Variants in FBXO4 observed in about 807,000 individuals in gnomAD.
FBXO4 encodes F-box only protein 4.
In FBXO4, 36 loss-of-function variants were observed where a neutral mutation model predicts 43.7. The observed-to-expected ratio is 0.82, with a 90% CI of 0.63 to 1.09. The LOEUF is 1.09. Among genes scored for constraint, FBXO4 ranks in the 50% least tolerant of loss-of-function variants. The pLI is 0.00. For synonymous variants in FBXO4, 180 were observed against 165.6 expected (o/e 1.09, Z -0.67); for missense variants, 435 against 474.1 (o/e 0.92, Z 0.77).
the FBXO4 span, among the ~76,000 whole-genome samples, chr5:41,974,572 C>A: frequency 6.6e-6 from 1 of 152,094 alleles, no homozygotes; most frequent in Non-Finnish European, 1.5e-5. Flanking sequence ...TGCTTTGTCA[C>A]TGTTATTGTG....
At chr5:41,997,012 G>C in the FBXO4 span, among the ~76,000 whole-genome samples, 1 of 152,250 alleles carries the variant, frequency 6.6e-6, no homozygotes, top group Non-Finnish European at 1.5e-5. Context: ...CTCTGAATAA[G>C]ATTATGACAC....
the FBXO4 span, among the ~76,000 whole-genome samples, chr5:41,986,947 C>A: frequency 6.6e-6 from 1 of 152,000 alleles, no homozygotes; most frequent in Non-Finnish European, 1.5e-5. Context: ...TTACAGTCAT[C>A]CTGCTGTTTA....
chr5:41,988,185 G>T, the FBXO4 span, among the ~76,000 whole-genome samples: 1 of 152,080 alleles, frequency 6.6e-6, no homozygotes, highest in African/African-American at 2.4e-5. Flanking sequence ...CAGTATCTCT[G>T]GATTGTGAAC....
chr5:42,032,729 T>G, the FBXO4 span, among the ~76,000 whole-genome samples: 1 of 152,148 alleles, frequency 6.6e-6, no homozygotes, highest in African/African-American at 2.4e-5. Context: ...TACCCCCCCG[T>G]GGCTGTGCTA....
At chr5:41,973,742 C>G in the FBXO4 span, among the ~76,000 whole-genome samples, 2 of 152,172 alleles carry the variant, frequency 1.3e-5, no homozygotes, top group Admixed American at 1.3e-4. Context: ...TTACTTTTTA[C>G]ACATTCAATC....
the FBXO4 span, among the ~76,000 whole-genome samples, chr5:41,981,232 A>G: frequency 6.6e-6 from 1 of 152,102 alleles, no homozygotes; most frequent in East Asian, 1.9e-4. Context: ...GGTATGATTT[A>G]ATTTGGTGGC....
chr5:42,004,430 A>T, the FBXO4 span, among the ~76,000 whole-genome samples: 1 of 152,204 alleles, frequency 6.6e-6, no homozygotes, highest in African/African-American at 2.4e-5. Flanking sequence ...GAGAGGTAAA[A>T]AAAGTCTATT....
At chr5:42,019,591 G>A in the FBXO4 span, among the ~76,000 whole-genome samples, 1 of 151,720 alleles carries the variant, frequency 6.6e-6, no homozygotes, top group East Asian at 1.9e-4. Context: ...AGGAAGTTGA[G>A]ACAGCAGAAT....
intron 3 of FBXO4, among the ~76,000 whole-genome samples, chr5:41,933,724 T>C (rs115686853): frequency 0.012 from 1,819 of 152,330 alleles, 13 homozygotes; most frequent in Non-Finnish European, 0.019. Context: ...AGGACTGTTA[T>C]AAGCCTTGCA....
At chr5:41,985,630 A>G in the FBXO4 span, among the ~76,000 whole-genome samples, 1 of 152,116 alleles carries the variant, frequency 6.6e-6, no homozygotes, top group Non-Finnish European at 1.5e-5. Flanking sequence ...CTTTTAAGAA[A>G]GTCAGCCTGC....
At chr5:41,935,034 T>C (rs983511613) in intron 5 of FBXO4, 33 of 985,084 alleles carry the variant, frequency 3.3e-5, no homozygotes, top group Non-Finnish European at 3.9e-5. Flanking sequence ...GCAGTTGCAA[T>C]TACTTTCTGT....
the FBXO4 span, among the ~76,000 whole-genome samples, chr5:41,954,512 A>G: frequency 6.6e-6 from 1 of 152,216 alleles, no homozygotes; most frequent in Non-Finnish European, 1.5e-5. Flanking sequence ...GCACTGAATC[A>G]TATAATCATA....
chr5:42,021,592 T>C, the FBXO4 span, among the ~76,000 whole-genome samples: 1 of 152,082 alleles, frequency 6.6e-6, no homozygotes, highest in Non-Finnish European at 1.5e-5. Flanking sequence ...ATTAAAAAAT[T>C]TACAGTCATC....
the FBXO4 span, among the ~76,000 whole-genome samples, chr5:41,972,775 A>T: frequency 6.6e-6 from 1 of 152,186 alleles, no homozygotes; most frequent in Non-Finnish European, 1.5e-5. Flanking sequence ...AAAGCCACAC[A>T]CATACAACCA....
the FBXO4 span, among the ~76,000 whole-genome samples, chr5:42,012,252 CCT>C: frequency 5.3e-3 from 800 of 152,224 alleles, 7 homozygotes; most frequent in African/African-American, 0.018. Context: ...TATAGAATGC[CCT>C]GAGAGAGGGC....
At chr5:41,972,438 A>AAAC in the FBXO4 span, among the ~76,000 whole-genome samples, 1 of 152,200 alleles carries the variant, frequency 6.6e-6, no homozygotes, top group East Asian at 1.9e-4. Context: ...CTGCTGAAAG[A>AAAC]AACAAGAGAT....
the FBXO4 span, among the ~76,000 whole-genome samples, chr5:41,993,434 G>A: frequency 1.1e-4 from 16 of 151,880 alleles, no homozygotes; most frequent in African/African-American, 2.7e-4. Flanking sequence ...ATCATCTCAC[G>A]TAGTTACAAT....
chr5:41,943,169 C>G (rs561747873), downstream of FBXO4, among the ~76,000 whole-genome samples: 20 of 151,898 alleles, frequency 1.3e-4, no homozygotes, highest in Non-Finnish European at 2.9e-5. Context: ...ACTTGGAGTC[C>G]GAAAATCCTC....
chr5:42,005,748 A>T, the FBXO4 span, among the ~76,000 whole-genome samples: 8 of 152,126 alleles, frequency 5.3e-5, no homozygotes, highest in Non-Finnish European at 1.0e-4. Flanking sequence ...AGTAGGGGGC[A>T]ACTGAGAATT....
Sources: allele counts gnomAD v4.1 joint callset (sites outside exome capture counted in the v4.1 genomes callset), GRCh38; gene constraint gnomAD v4.1.1; transcripts MANE v1.5; gene names NCBI Gene and HGNC (gene_info 2026-07-23, HGNC 2026-07-21).